GNG7: variants seen among roughly 807,000 people sequenced by gnomAD.
The protein encoded by GNG7 is guanine nucleotide-binding protein G(I)/G(S)/G(O) subunit gamma-7.
A neutral mutation model predicts 4.0 loss-of-function variants in GNG7; 1 was observed. The ratio of observed to expected loss-of-function variants is 0.25; its 90% CI spans 0.09 to 1.18. The LOEUF (loss-of-function observed/expected upper bound fraction) is 1.18, where lower values mean the gene tolerates loss of function less well. Ranked by LOEUF, GNG7 falls within the 50% of genes most tolerant of loss-of-function variation. The pLI is 0.50. For missense variants in GNG7, 86 were observed against 91.9 expected (o/e 0.94, Z 0.26); for synonymous variants, 34 against 36.9 (o/e 0.92, Z 0.29).
intron 3 of GNG7, among the ~76,000 whole-genome samples, chr19:2,532,968 C>T (rs1383352081): frequency 6.6e-6 from 1 of 152,020 alleles, no homozygotes; most frequent in Admixed American, 6.6e-5. Context: ...TAAATAAAAA[C>T]ATGTCTCCAT....
chr19:2,524,824 G>T (rs894876992), intron 3 of GNG7, among the ~76,000 whole-genome samples: 1 of 152,214 alleles, frequency 6.6e-6, no homozygotes, highest in Non-Finnish European at 1.5e-5. Context: ...GTGCATGCGT[G>T]TTGGCGTGTG....
In GNG7 at chr19:2,541,699, G is replaced by A. The variant is rs1171075664; in HGVS notation, c.-38+13450C>T. ...GGAGGTTGCAGTGAGCCGAGATCAC[G>A]CCACTGCACTCTAGCCTGGGCGACA... On this transcript the variant is annotated intron_variant, in intron 3 of 4. Coordinates refer to ENST00000382159, the MANE Select transcript of GNG7 (RefSeq NM_052847.3). Among the ~76,000 whole-genome samples, 8 of 146,054 alleles carry A rather than the reference G, an allele frequency of 5.5e-5. No individual in the cohort carries two copies. The East Asian group carries it at 6.2e-4, about 11-fold the overall frequency.
In GNG7 at chr19:2,626,080, G is replaced by A. The variant is rs150212685; in HGVS notation, c.-78+20144C>T. On this transcript the variant is annotated intron_variant, in intron 2 of 4. Transcript: ENST00000382159. This position sits in a 1 kb window ranked among gnomAD's most constrained non-coding sequence, Gnocchi z 5.0. The stretch of plus-strand genomic sequence containing the variant: ...TGGGATGACAGGCGTGAGCCATGGC[G>A]CCCGGCCTGATTATTTCATTTACTC... Among the ~76,000 whole-genome samples the A allele has an allele frequency of 0.017, 2,657 of 152,236 alleles. 31 individuals are homozygous for A. Among genetic ancestry groups the A allele is most frequent in the Middle Eastern group, 0.048 (14 of 294 alleles).
intron 3 of GNG7, among the ~76,000 whole-genome samples, chr19:2,553,996 C>T (rs1362075180): frequency 2.9e-5 from 3 of 104,088 alleles, no homozygotes; most frequent in Non-Finnish European, 6.0e-5. Flanking sequence ...ATATATATTA[C>T]ACATATGTAT....
chr19:2,553,464 T>C (rs1175665932), intron 3 of GNG7, among the ~76,000 whole-genome samples: 3 of 147,390 alleles, frequency 2.0e-5, no homozygotes, highest in Non-Finnish European at 4.5e-5. Flanking sequence ...ATATATTATG[T>C]TATATATTAT....
rs1009274205 is a variant in GNG7, at chr19:2,520,811, C to T, written c.-37-86G>A. 9.4e-6 allele frequency: 6 copies of T among 636,314 alleles called. No homozygotes were observed. In the Admixed American group the frequency reaches 1.2e-4, roughly 13 times the overall value. The allele number at this position is 636,314 out of a possible 1,614,324, so 39.4% of individuals were successfully genotyped here. ...GGGCGCCCGGCCTTGGCTCAACCTT[C>T]CCGACTCTAGGCACGGCCACTTTGC... On this transcript the variant is annotated intron_variant, in intron 3 of 4. Transcript: ENST00000382159.
intron 1 of GNG7, among the ~76,000 whole-genome samples, chr19:2,684,431 G>A (rs963044284): frequency 4.1e-4 from 62 of 150,092 alleles, no homozygotes; most frequent in Non-Finnish European, 4.4e-4. Context: ...CACCGTGCCC[G>A]GCCCGCACCA....
intron 2 of GNG7, among the ~76,000 whole-genome samples, chr19:2,629,198 G>C (rs967336009): frequency 1.3e-5 from 2 of 152,196 alleles, no homozygotes; most frequent in African/African-American, 4.8e-5. Context: ...GGATATCTTA[G>C]TAGGTCTCTC....
Position 2,533,214 on chromosome 19 carries a change from GTATT to G in GNG7, c.-37-12493_-37-12490del, listed in dbSNP as rs1257035308. Among the ~76,000 whole-genome samples the G allele has an allele frequency of 4.0e-5, 6 of 148,404 alleles. No homozygotes were observed. In the Admixed American group the frequency reaches 4.1e-4, roughly 10 times the overall value. ...ATACATTATTCAATATTAAATATTAGTATTTAATTAATATTAATATATTAAATAT... is the reference window on the plus strand; with the variant it reads ...ATACATTATTCAATATTAAATATTAGTAATTAATATTAATATATTAAATAT... On this transcript the variant is annotated intron_variant, in intron 3 of 4. Coordinates refer to ENST00000382159, the MANE Select transcript of GNG7 (RefSeq NM_052847.3).
At chr19:2,539,623 A>C (rs1182337700) in intron 3 of GNG7, among the ~76,000 whole-genome samples, 1 of 151,864 alleles carries the variant, frequency 6.6e-6, no homozygotes, top group East Asian at 1.9e-4. Flanking sequence ...AATTTTAGAC[A>C]CATACGATAT....
intron 3 of GNG7, among the ~76,000 whole-genome samples, chr19:2,552,487 C>T (rs919533099): frequency 6.6e-5 from 10 of 152,030 alleles, no homozygotes; most frequent in Admixed American, 1.3e-4. Flanking sequence ...CGGGTTCAAG[C>T]GATTCTCCTA....
At chr19:2,637,212 T>TCC (rs55756245) in intron 2 of GNG7, among the ~76,000 whole-genome samples, 96,756 of 150,838 alleles carry the variant, frequency 0.64, 31,216 homozygotes, top group Middle Eastern at 0.73. Context: ...AGGAACAGGC[T>TCC]CCCCCCGCCC....
chr19:2,590,153 A>G (rs901587361), intron 2 of GNG7, among the ~76,000 whole-genome samples: 1 of 152,162 alleles, frequency 6.6e-6, no homozygotes, highest in African/African-American at 2.4e-5. Context: ...GCTGTTAGGA[A>G]ATAAACTATA....
At chr19:2,682,940 T>C (rs1983778171) in intron 1 of GNG7, among the ~76,000 whole-genome samples, 1 of 151,558 alleles carries the variant, frequency 6.6e-6, no homozygotes, top group African/African-American at 2.4e-5. Context: ...GCTCACTGAA[T>C]AAGGACTCCC....
chr19:2,616,298 G>T (rs1981722075), intron 2 of GNG7, among the ~76,000 whole-genome samples: 1 of 152,084 alleles, frequency 6.6e-6, no homozygotes, highest in Non-Finnish European at 1.5e-5. Flanking sequence ...AGGCTGGAGT[G>T]CAATGGCACG....
At chr19:2,651,975 G>C (rs577324810) in intron 1 of GNG7, among the ~76,000 whole-genome samples, 1 of 151,780 alleles carries the variant, frequency 6.6e-6, no homozygotes, top group Non-Finnish European at 1.5e-5. Flanking sequence ...AGGAGTTCAA[G>C]ACCAGCCTGG....
chr19:2,605,285 G>A (rs7249627), intron 2 of GNG7, among the ~76,000 whole-genome samples: 12,326 of 151,906 alleles, frequency 0.081, 1,663 homozygotes, highest in African/African-American at 0.28. Context: ...TGCAACCTCC[G>A]CCTCCTGGGT....
chr19:2,632,474 T>TAACACACACA (rs1372296185), intron 2 of GNG7: 12 of 131,978 alleles, frequency 9.1e-5, no homozygotes, highest in Non-Finnish European at 1.2e-4. Context: ...TAAACAAAAC[T>TAACACACACA]CACACACACA....
chr19:2,538,869 A>T (rs977681457), intron 3 of GNG7: 1 of 240,720 alleles, frequency 4.2e-6, no homozygotes, highest in Non-Finnish European at 8.3e-6. Context: ...CCTGGGTTCA[A>T]GCCATTCTCC....
Sources: gnomAD v4.1 joint callset for allele counts (sites outside exome capture counted in the v4.1 genomes callset) on GRCh38, gnomAD v4.1.1 for gene constraint, Gnocchi (gnomAD v3.1) non-coding constraint, MANE v1.5 for transcripts, NCBI Gene and HGNC (gene_info 2026-07-23, HGNC 2026-07-21) for gene names.